Variants in CLU observed in about 807,000 individuals in gnomAD.
CLU encodes aging-associated protein 4.
A neutral mutation model predicts 46.4 loss-of-function variants in CLU; 25 were observed. The ratio of observed to expected loss-of-function variants is 0.54; its 90% CI spans 0.39 to 0.75. The LOEUF (loss-of-function observed/expected upper bound fraction) is 0.75, where lower values mean the gene tolerates loss of function less well. Among genes scored for constraint, CLU ranks in the 30% least tolerant of loss-of-function variants. The probability of loss-of-function intolerance (pLI) is 0.00; values close to 1 mark genes in which losing one functional copy is unlikely to be tolerated. For synonymous variants in CLU, 235 were observed against 235.1 expected (o/e 1.00, Z 0.00); for missense variants, 504 against 592.1 (o/e 0.85, Z 1.54).
rs1446623022 is a variant in CLU at position 27,599,973 on chromosome 8, C to T, written c.971G>A (p.Arg324Gln). ...CTGGAGGGATTCGTCGAGCTCCCGC[C>T]GCAGCTTAGCCTGGGAGGGGTTGTT... ...STNNPSQAKL[R>Q]RELDESLQVA... Residue 324 changes from arginine to glutamine, a missense_variant, in exon 7 of 9, where the codon CGG becomes CAG. Physicochemically the swap from Arg to Gln is conservative, Grantham distance 43. Transcript: ENST00000316403. This position sits in a 1 kb window ranked among gnomAD's most constrained non-coding sequence, Gnocchi z 4.0. The T allele has an allele frequency of 3.7e-5, 60 of 1,614,160 alleles. No homozygotes were observed. Among genetic ancestry groups the T allele is most frequent in the Non-Finnish European group, 4.7e-5 (55 of 1,180,038 alleles).
At chr8:27,605,368 A>C (rs1158454967) in intron 4 of CLU, 33 bp from the exon 5 acceptor site, 2 of 1,613,068 alleles carry the variant, frequency 1.2e-6, no homozygotes, top group African/African-American at 2.7e-5. Flanking sequence ...AGTTAGGAGA[A>C]GCTCACCAAG....
At position 27,599,662 on chromosome 8, in the gene CLU, G is replaced by A. The variant is rs1024034266; in HGVS notation, c.1164+118C>T. 2.7e-5 allele frequency: 21 copies of A among 775,920 alleles called. No homozygotes were observed. The highest frequency in any genetic ancestry group is 3.2e-4 in the Middle Eastern group (1 of 3,162). 48.1% of individuals were successfully genotyped at this position (775,920 alleles called of 1,614,324 possible). A position where few individuals can be genotyped will look rare whatever the true frequency, so the allele number is the denominator to read the frequency against. On this transcript the variant is annotated intron_variant, in intron 7 of 8. Transcript: ENST00000316403. The surrounding 1 kb of genome is among the most constrained non-coding windows in gnomAD (Gnocchi z 4.0). ...GATGAGGCTTCAAGGCAACAGGGGC[G>A]CCTAAAGTTTTCTATTTTCTGCCGT...
At chr8:27,604,249 A>G in intron 6 of CLU, 42 bp downstream of exon 6, 3 of 1,486,922 alleles carry the variant, frequency 2.0e-6, no homozygotes, top group Admixed American at 1.8e-5. Context: ...CCAGGACACA[A>G]GGGATCAGGG....
chr8:27,606,569 G>C, intron 3 of CLU, 45 bp from the exon 4 acceptor site: 1 of 1,610,610 alleles, frequency 6.2e-7, no homozygotes, highest in Non-Finnish European at 8.5e-7. Flanking sequence ...GAGACCACAG[G>C]CTCATGCACT....
chr8:27,610,131 G>A (rs1247438996), intron 2 of CLU, among the ~76,000 whole-genome samples: 3 of 152,188 alleles, frequency 2.0e-5, no homozygotes, highest in African/African-American at 4.8e-5. Context: ...ACTCCAAAGG[G>A]GAGAGGGATA....
intron 6 of CLU, among the ~76,000 whole-genome samples, chr8:27,601,493 G>T (rs1475627443): frequency 6.6e-6 from 1 of 152,238 alleles, no homozygotes; most frequent in African/African-American, 2.4e-5. Context: ...CATCAAGAGA[G>T]CAGGGAAAAG....
chr8:27,598,303 T>C, intron 8 of CLU, 53 bp from the exon 9 acceptor site: 2 of 1,609,880 alleles, frequency 1.2e-6, no homozygotes, highest in Non-Finnish European at 1.7e-6. Context: ...AAAGGAAAAA[T>C]AAAATTCCCC....
intron 1 of CLU, chr8:27,611,209 A>G (rs1800921640): frequency 2.2e-6 from 1 of 454,104 alleles, no homozygotes; most frequent in African/African-American, 2.0e-5. Flanking sequence ...ATCCATCTGC[A>G]TCCCTAGTGG....
chr8:27,597,022 T>C lies in CLU; in HGVS notation c.*1219A>G, dbSNP rs186977814. ...ACCCCATAATTCTAATTAATGTATA[T>C]CATTAAGTGAATCACACTGACTTTA... On this transcript the variant is annotated 3_prime_UTR_variant, in exon 9 of 9. Transcript: ENST00000316403. 6 of 454,126 alleles carry C rather than the reference T, an allele frequency of 1.3e-5. No homozygotes were observed. The East Asian group carries it at 4.2e-4, about 32-fold the overall frequency. The allele number at this position is 454,126 out of a possible 1,614,324, so 28.1% of individuals were successfully genotyped here. A position where few individuals can be genotyped will look rare whatever the true frequency, so the allele number is the denominator to read the frequency against.
chr8:27,610,416 C>A, intron 2 of CLU, 59 bp downstream of exon 2: 2 of 1,368,338 alleles, frequency 1.5e-6, no homozygotes, highest in Non-Finnish European at 2.1e-6. Context: ...GAATTAGCTA[C>A]CCTGCCCTCT....
intron 4 of CLU, among the ~76,000 whole-genome samples, chr8:27,605,890 AT>A (rs1050032747): frequency 3.7e-4 from 56 of 152,130 alleles, no homozygotes; most frequent in African/African-American, 1.3e-3. Context: ...AAATACAAAA[AT>A]TAGCTGGGTG....
chr8:27,613,161 C>T lies in CLU; in HGVS notation c.-30+1494G>A, dbSNP rs1002633880. 5.7e-4 allele frequency among the ~76,000 whole-genome samples: 86 copies of T among 152,076 alleles called. 3 individuals carry two copies. The highest frequency in any genetic ancestry group is 1.2e-4 in the Non-Finnish European group (8 of 68,004). ...CAGCACTTTGGGAGGCCAAGACAGGCGGATTACTTGAGATCAGGAGTTCGA... is the reference window on the plus strand; with the variant it reads ...CAGCACTTTGGGAGGCCAAGACAGGTGGATTACTTGAGATCAGGAGTTCGA... On this transcript the variant is annotated intron_variant, in intron 1 of 8. Coordinates refer to ENST00000316403, the MANE Select transcript of CLU (RefSeq NM_001831.4).
rs1320161860 is a variant in CLU, at chr8:27,607,336, C to CAAAA, written c.247-816_247-813dup. On this transcript the variant is annotated intron_variant, in intron 3 of 8. Transcript: ENST00000316403. ...TGGGTGACAGAGCAAGACTCTGTCT[C>CAAAA]AAAAAAACAAAACAAAACAAAACAA... 7.0e-5 allele frequency among the ~76,000 whole-genome samples: 7 copies of CAAAA among 99,772 alleles called. No homozygotes were observed. The East Asian group carries it at 3.0e-3, about 42-fold the overall frequency. The allele number at this position is 99,772 out of a possible 152,430, so 65.5% of individuals were successfully genotyped here.
intron 6 of CLU, chr8:27,604,080 G>A: frequency 1.7e-6 from 1 of 590,046 alleles, no homozygotes; most frequent in Non-Finnish European, 3.1e-6. Flanking sequence ...ACCGACTTCA[G>A]GGACAGCCTC....
In CLU at chr8:27,600,143, CTG is replaced by C. The variant is rs1800694537; in HGVS notation, c.935-136_935-135del. On this transcript the variant is annotated intron_variant, in intron 6 of 8. Coordinates refer to ENST00000316403, the MANE Select transcript of CLU (RefSeq NM_001831.4). Reference sequence around the variant, plus strand: ...GCTTCCCTAAGGGAAGGGCCACAAACTGGAATTGTCCACGACAAAATAAAGGT... The same window carrying C: ...GCTTCCCTAAGGGAAGGGCCACAAACGAATTGTCCACGACAAAATAAAGGT... 7.0e-6 allele frequency: 5 copies of C among 713,638 alleles called. No individual in the cohort carries two copies. The East Asian group carries it at 8.1e-5, about 12-fold the overall frequency. The allele number at this position is 713,638 out of a possible 1,614,324, so 44.2% of individuals were successfully genotyped here.
chr8:27,599,973 C>A lies in CLU; in HGVS notation c.971G>T (p.Arg324Leu). Reference protein sequence around the residue: ...STNNPSQAKLRRELDESLQVA... With the variant: ...STNNPSQAKLLRELDESLQVA... The stretch of plus-strand genomic sequence containing the variant: ...CTGGAGGGATTCGTCGAGCTCCCGC[C>A]GCAGCTTAGCCTGGGAGGGGTTGTT... The change falls in exon 7 of 9, where the codon CGG (arginine) becomes CTG (leucine). Residue 324 changes from arginine (R) to leucine (L), a missense_variant. Arg to Leu is a moderately radical substitution (Grantham distance 102). Coordinates refer to ENST00000316403, the MANE Select transcript of CLU (RefSeq NM_001831.4). The surrounding 1 kb of genome is among the most constrained non-coding windows in gnomAD (Gnocchi z 4.0). 6.2e-7 allele frequency: 1 copy of A among 1,614,162 alleles called. No individual in the cohort carries two copies. Among genetic ancestry groups the A allele is most frequent in the Non-Finnish European group, 8.5e-7 (1 of 1,180,040 alleles).
intron 5 of CLU, 41 bp from the exon 6 acceptor site, chr8:27,604,436 T>A (rs1800778939): frequency 6.9e-7 from 1 of 1,453,476 alleles, no homozygotes. Flanking sequence ...CATCCAGCCA[T>A]GCAGAGATGG....
intron 7 of CLU, chr8:27,598,845 A>G (rs1800665230): frequency 1.7e-6 from 1 of 596,408 alleles, no homozygotes; most frequent in South Asian, 2.0e-5. Flanking sequence ...TGTTGGGGCA[A>G]ATGTCATCTG....
Position 27,598,637 on chromosome 8 carries a change from T to C in CLU, c.1165-2A>G, listed in dbSNP as rs111912904. ...CGAGTCAGAAGTGTGGGAAGCCACC[T>C]AAATGGAACAAGAGAAAAGGGAAGA... On this transcript the variant is annotated splice_acceptor_variant, in intron 7 of 8. Coordinates refer to ENST00000316403, the MANE Select transcript of CLU (RefSeq NM_001831.4). LOFTEE classifies it high-confidence loss of function. 1.2e-6 allele frequency: 2 copies of C among 1,613,768 alleles called. No homozygotes were observed. Among genetic ancestry groups the C allele is most frequent in the Non-Finnish European group, 1.7e-6 (2 of 1,179,954 alleles).
Sources: allele counts gnomAD v4.1 joint callset (sites outside exome capture counted in the v4.1 genomes callset), GRCh38; gene constraint gnomAD v4.1.1; non-coding constraint Gnocchi (gnomAD v3.1); transcripts MANE v1.5; gene names NCBI Gene and HGNC (gene_info 2026-07-23, HGNC 2026-07-21).